The following EYS variants were observed in gnomAD, a reference collection of about 807,000 sequenced individuals.
The protein encoded by EYS is EGF-like photoreceptor maintenance factor.
EYS carries 250 observed loss-of-function variants against 282.1 expected under a neutral mutation model. That is an observed-to-expected ratio of 0.89 (90% CI 0.80 to 0.98). The LOEUF (loss-of-function observed/expected upper bound fraction) is 0.98. EYS is among the 50% of genes least tolerant of loss of function. EYS has a pLI of 0.00. For missense variants in EYS, 4,016 were observed against 3,709.0 expected (o/e 1.08, Z -2.15); for synonymous variants, 1,355 against 1,282.9 (o/e 1.06, Z -1.20).
intron 14 of EYS, among the ~76,000 whole-genome samples, chr6:64,989,832 AC>A (rs1771004363): frequency 7.2e-6 from 1 of 139,502 alleles, no homozygotes; most frequent in South Asian, 2.2e-4. Context: ...ACACACACAC[AC>A]TCACACACAC....
At chr6:65,327,100 C>CA (rs1769643602) in intron 11 of EYS, among the ~76,000 whole-genome samples, 1 of 151,626 alleles carries the variant, frequency 6.6e-6, no homozygotes, top group African/African-American at 2.4e-5. Flanking sequence ...GATTGTAATG[C>CA]AAAATGCTTT....
chr6:65,006,613 C>A (rs942260497), intron 13 of EYS, among the ~76,000 whole-genome samples: 1 of 151,672 alleles, frequency 6.6e-6, no homozygotes, highest in Non-Finnish European at 1.5e-5. Flanking sequence ...CTGATAATTC[C>A]CTTAACCCAG....
intron 2 of EYS, among the ~76,000 whole-genome samples, chr6:65,627,852 G>A (rs1475598754): frequency 9.2e-5 from 14 of 152,194 alleles, no homozygotes; most frequent in East Asian, 1.9e-4. Flanking sequence ...CTGTGCGCCC[G>A]AGCCTCCCCA....
At chr6:65,064,793 G>T (rs1773694349) in intron 12 of EYS, among the ~76,000 whole-genome samples, 1 of 152,018 alleles carries the variant, frequency 6.6e-6, no homozygotes, top group East Asian at 1.9e-4. Context: ...TCCCTCCTCA[G>T]GTAGAATCTA....
chr6:65,441,978 C>G (rs1768345620), intron 5 of EYS, among the ~76,000 whole-genome samples: 1 of 151,990 alleles, frequency 6.6e-6, no homozygotes. Flanking sequence ...TTCTGGAGAT[C>G]TTTTTCTTTT....
chr6:64,275,092 G>T (rs186749125), intron 30 of EYS, among the ~76,000 whole-genome samples: 2 of 152,264 alleles, frequency 1.3e-5, no homozygotes, highest in African/African-American at 4.8e-5. Context: ...CTGGTAATGG[G>T]ATTTTTCACA....
At chr6:65,186,070 C>T (rs1349814830) in intron 12 of EYS, among the ~76,000 whole-genome samples, 1 of 151,642 alleles carries the variant, frequency 6.6e-6, no homozygotes, top group Admixed American at 6.6e-5. Context: ...TACTAACTTG[C>T]TTTCTGATAT....
At chr6:64,634,177 T>C (rs1216615660) in intron 22 of EYS, among the ~76,000 whole-genome samples, 1 of 152,118 alleles carries the variant, frequency 6.6e-6, no homozygotes, top group South Asian at 2.1e-4. Context: ...AAACACAGGG[T>C]TTACCCATGT....
intron 35 of EYS, among the ~76,000 whole-genome samples, chr6:63,928,748 G>A (rs1202499830): frequency 3.3e-5 from 5 of 151,996 alleles, no homozygotes; most frequent in African/African-American, 4.8e-5. Flanking sequence ...TTCTGGTTGC[G>A]CCTGGATCAA....
rs1167742176 is a variant in EYS, at chr6:63,789,225, C to T, written c.7412-1G>A. 6.4e-7 allele frequency: 1 copy of T among 1,551,034 alleles called. No homozygotes were observed. Among genetic ancestry groups the T allele is most frequent in the Non-Finnish European group, 8.7e-7 (1 of 1,146,588 alleles). On this transcript the variant is annotated splice_acceptor_variant, in intron 37 of 42. Coordinates refer to ENST00000503581, the MANE Select transcript of EYS (RefSeq NM_001142800.2). LOFTEE classifies it high-confidence loss of function. ...GCCAGGAAGTCATCGCCATTCAACCCTGGAATGAGAAGACACATGGGGAAT... is the reference window on the plus strand; with the variant it reads ...GCCAGGAAGTCATCGCCATTCAACCTTGGAATGAGAAGACACATGGGGAAT...
chr6:63,865,488 A>G (rs996908922), intron 35 of EYS, among the ~76,000 whole-genome samples: 15 of 151,498 alleles, frequency 9.9e-5, no homozygotes, highest in African/African-American at 3.4e-4. Context: ...CTCTTATTAC[A>G]TTAGTTCATA....
rs1457190192 is a variant in EYS, at chr6:64,822,748, T to A, written c.3067A>T (p.Ile1023Phe). 6.5e-7 allele frequency: 1 copy of A among 1,550,150 alleles called. No individual in the cohort carries two copies. Among genetic ancestry groups the A allele is most frequent in the Non-Finnish European group, 8.7e-7 (1 of 1,146,106 alleles). Reference protein sequence around the residue: ...CLHDGVCIDGINHYTCDCKSG... With the variant: ...CLHDGVCIDGFNHYTCDCKSG... ...TTGCAGTCACAGGTATAATGATTGA[T>A]GCCATCGATACAAACTCCATCATGG... is the stretch of plus-strand genomic sequence containing the variant. The change falls in exon 20 of 43, where the codon ATC (isoleucine) becomes TTC (phenylalanine). Residue 1023 changes from isoleucine to phenylalanine, a missense_variant. Physicochemically the swap from Ile to Phe is conservative, Grantham distance 21. Transcript: ENST00000503581.
chr6:64,186,942 C>A (rs554245450), intron 31 of EYS, among the ~76,000 whole-genome samples: 1 of 152,250 alleles, frequency 6.6e-6, no homozygotes, highest in Admixed American at 6.5e-5. Flanking sequence ...CTCCGACGCA[C>A]TTGGGGAGCA....
At chr6:64,068,851 G>A (rs1055703824) in intron 32 of EYS, among the ~76,000 whole-genome samples, 12 of 151,946 alleles carry the variant, frequency 7.9e-5, no homozygotes, top group Non-Finnish European at 1.5e-4. Context: ...ACTGGTGAGT[G>A]TTATTTGATA....
chr6:65,096,426 G>C (rs959084003), intron 12 of EYS, among the ~76,000 whole-genome samples: 2 of 150,702 alleles, frequency 1.3e-5, no homozygotes, highest in African/African-American at 4.8e-5. Flanking sequence ...ATCACAAAGT[G>C]ATCTACAGAT....
At chr6:64,600,305 A>G (rs1766724928) in intron 24 of EYS, among the ~76,000 whole-genome samples, 3 of 151,710 alleles carry the variant, frequency 2.0e-5, no homozygotes, top group African/African-American at 7.3e-5. Flanking sequence ...TCTGTGTTCT[A>G]TAAAAGATAC....
At chr6:64,527,156 T>C (rs1463445651) in intron 26 of EYS, among the ~76,000 whole-genome samples, 6 of 151,794 alleles carry the variant, frequency 4.0e-5, no homozygotes, top group South Asian at 2.1e-4. Context: ...AAGCTAAATA[T>C]AGAGATTTAC....
chr6:65,194,397 T>C (rs1765715462), intron 12 of EYS, among the ~76,000 whole-genome samples: 2 of 151,920 alleles, frequency 1.3e-5, no homozygotes, highest in African/African-American at 4.8e-5. Flanking sequence ...TCACATTCTT[T>C]TTATGTTAAA....
intron 12 of EYS, among the ~76,000 whole-genome samples, chr6:65,281,409 A>G (rs1476894880): frequency 5.9e-5 from 9 of 152,118 alleles, no homozygotes; most frequent in Admixed American, 1.3e-4. Flanking sequence ...TTATTGTGGG[A>G]TAATTAGTCT....
Sources: allele counts gnomAD v4.1 joint callset (sites outside exome capture counted in the v4.1 genomes callset), GRCh38; gene constraint gnomAD v4.1.1; transcripts MANE v1.5; gene names NCBI Gene and HGNC (gene_info 2026-07-23, HGNC 2026-07-21).